The following SFI1 variants were observed in gnomAD, a reference collection of about 807,000 sequenced individuals.
The protein encoded by SFI1 is protein SFI1 homolog.
Under a neutral mutation model 207.5 loss-of-function variants are expected in SFI1, and 195 were observed. The ratio of observed to expected loss-of-function variants is 0.94; its 90% CI spans 0.84 to 1.06. SFI1 has a LOEUF of 1.06. SFI1 is among the 50% of genes least tolerant of loss of function. SFI1 has a pLI of 0.00. For synonymous variants in SFI1, 630 were observed against 598.9 expected, an observed-to-expected ratio of 1.05 and a Z score of -0.76; for missense variants, 1,634 against 1,588.0, an observed-to-expected ratio of 1.03 and a Z score of -0.49.
chr22:31,613,372 G>T lies in SFI1; in HGVS notation c.2584G>T (p.Ala862Ser). The change falls in exon 26 of 33, where the codon GCC (alanine) becomes TCC (serine). Residue 862 changes from alanine to serine, a missense_variant. Physicochemically the swap from Ala to Ser is moderately conservative, Grantham distance 99 (BLOSUM62 1). Transcript: ENST00000400288. ...CCTGGAGGTGTGGGCCACGTGGCTG[G>T]CCTTTGTACTGGAAAGGAGGAGAAA... ...LQAKVWATWLAFVLERRRKKA... is the reference protein window; with the variant it reads ...LQAKVWATWLSFVLERRRKKA... 1 of 1,610,402 alleles carries T rather than the reference G, an allele frequency of 6.2e-7. No individual in the cohort carries two copies.
At chr22:31,544,871 C>T (rs752029481) in intron 4 of SFI1, among the ~76,000 whole-genome samples, 2 of 152,094 alleles carry the variant, frequency 1.3e-5, no homozygotes, top group African/African-American at 2.4e-5. Context: ...CCTGAAAAAG[C>T]CAAATATATC....
At chr22:31,587,338 GTCA>G (rs2065160152) in intron 14 of SFI1, 5 of 391,808 alleles carry the variant, frequency 1.3e-5, no homozygotes, top group South Asian at 9.6e-5. Flanking sequence ...GTTTCACTTT[GTCA>G]CCCAGGCTGG....
At chr22:31,511,364 C>T (rs1042127155) in intron 2 of SFI1, among the ~76,000 whole-genome samples, 7 of 151,960 alleles carry the variant, frequency 4.6e-5, no homozygotes, top group Non-Finnish European at 7.4e-5. Flanking sequence ...CTACATGGTC[C>T]GCAGAGTACT....
At position 31,561,377 on chromosome 22, in the gene SFI1, G is replaced by A; in HGVS notation, c.750G>A (p.Leu250=). 6.2e-7 allele frequency: 1 copy of A among 1,613,730 alleles called. No homozygotes were observed. The highest frequency in any genetic ancestry group is 8.5e-7 in the Non-Finnish European group (1 of 1,179,862). Residue 250 remains leucine, a synonymous_variant, in exon 8 of 33, where the codon CTG becomes CTA. Transcript: ENST00000400288. ...LHASALKHRA[L]SLQVQAWSQW... ...CCTCTGCTTTGAAGCACAGGGCCCT[G>A]AGCCTCCAGGTGCAGGTGAGTCCAG... is the stretch of plus-strand genomic sequence containing the variant.
Position 31,583,942 on chromosome 22 carries a change from C to G in SFI1, c.1316C>G (p.Pro439Arg). The change falls in exon 13 of 33, where the codon CCC becomes CGC. Residue 439 changes from proline (P) to arginine (R), a missense_variant. By Grantham distance (103) the Pro-to-Arg change is moderately radical. Transcript: ENST00000400288. ...IEQKKERELL[P>R]LLHAAWDHYR... is the part of the protein sequence containing the mutation. ...CAGAAAAAGGAAAGAGAGCTGCTCC[C>G]CTTACTGCATGCTGCCTGGGACCAC... is the stretch of plus-strand genomic sequence containing the variant. The G allele has an allele frequency of 6.2e-7, 1 of 1,614,148 alleles. No homozygotes were observed. Among genetic ancestry groups the G allele is most frequent in the Non-Finnish European group, 8.5e-7 (1 of 1,180,006 alleles).
chr22:31,609,593 G>A (rs1286736720), intron 22 of SFI1, among the ~76,000 whole-genome samples: 1 of 152,236 alleles, frequency 6.6e-6, no homozygotes, highest in Non-Finnish European at 1.5e-5. Flanking sequence ...AACTGAATCA[G>A]CTTTGGTTTG....
At chr22:31,604,994 C>G (rs910132221) in intron 20 of SFI1, 49 bp downstream of exon 20, 7 of 1,499,208 alleles carry the variant, frequency 4.7e-6, no homozygotes, top group Non-Finnish European at 6.3e-6. Context: ...ACAAGGAATG[C>G]ACTCCAAACC....
intron 22 of SFI1, among the ~76,000 whole-genome samples, chr22:31,610,657 G>A (rs775632009): frequency 2.6e-5 from 4 of 152,244 alleles, no homozygotes; most frequent in South Asian, 2.1e-4. Context: ...ATGGCCTGGC[G>A]ACCAGCGCTG....
chr22:31,516,331 G>A (rs1389039613), intron 2 of SFI1, among the ~76,000 whole-genome samples: 1 of 151,914 alleles, frequency 6.6e-6, no homozygotes, highest in Non-Finnish European at 1.5e-5. Context: ...TGACCAACAT[G>A]GCAAAACCCC....
intron 22 of SFI1, among the ~76,000 whole-genome samples, chr22:31,610,423 G>A (rs1279094703): frequency 2.6e-5 from 4 of 152,218 alleles, no homozygotes; most frequent in Middle Eastern, 3.2e-3. Context: ...CAGCACTAAT[G>A]TGGGTGCCTC....
intron 1 of SFI1, among the ~76,000 whole-genome samples, chr22:31,507,159 C>T (rs1157239332): frequency 6.6e-6 from 1 of 152,134 alleles, no homozygotes; most frequent in Non-Finnish European, 1.5e-5. Context: ...AAAACAGAAA[C>T]ATAGACTAAT....
chr22:31,542,171 G>A (rs919220490), intron 4 of SFI1, among the ~76,000 whole-genome samples: 1 of 146,650 alleles, frequency 6.8e-6, no homozygotes, highest in African/African-American at 2.5e-5. Flanking sequence ...CCCACCCCCC[G>A]AGAGAGAACC....
chr22:31,500,799 GTTTTTTGTTTTTT>G (rs1297065319), intron 1 of SFI1, among the ~76,000 whole-genome samples: 1 of 46,782 alleles, frequency 2.1e-5, no homozygotes, highest in African/African-American at 1.1e-4. Context: ...TTTTGTTTTT[GTTTTTTGTTTTTT>G]TTTTTGAGTC....
intron 15 of SFI1, among the ~76,000 whole-genome samples, chr22:31,590,231 C>G (rs2065667526): frequency 6.6e-6 from 1 of 151,632 alleles, no homozygotes; most frequent in Non-Finnish European, 1.5e-5. Context: ...TGCAAACACC[C>G]AGAAACACTG....
At chr22:31,591,590 C>A (rs1448129323) in intron 15 of SFI1, among the ~76,000 whole-genome samples, 5 of 129,158 alleles carry the variant, frequency 3.9e-5, no homozygotes, top group African/African-American at 1.6e-4. Flanking sequence ...GCTGGCCGGG[C>A]AGGGGGGCTG....
chr22:31,609,386 A>C (rs571704628), intron 22 of SFI1, among the ~76,000 whole-genome samples: 1 of 152,316 alleles, frequency 6.6e-6, no homozygotes, highest in Non-Finnish European at 1.5e-5. Context: ...GACACGCGGC[A>C]GACCCATGGG....
intron 11 of SFI1, 140 bp downstream of exon 11, chr22:31,578,592 G>GTGGGTGTCCTTCTTTTCATTT (rs2063766023): frequency 1.6e-6 from 1 of 644,348 alleles, no homozygotes; most frequent in African/African-American, 1.8e-5. Context: ...TCCTTTCATT[G>GTGGGTGTCCTTCTTTTCATTT]TGGGTGTCCT....
intron 4 of SFI1, among the ~76,000 whole-genome samples, chr22:31,533,606 A>G (rs757841180): frequency 6.6e-6 from 1 of 152,014 alleles, no homozygotes; most frequent in Non-Finnish European, 1.5e-5. Flanking sequence ...AGCAGCGACC[A>G]AAAGCAAGCA....
At chr22:31,543,021 G>T (rs1048654875) in intron 4 of SFI1, among the ~76,000 whole-genome samples, 1 of 149,752 alleles carries the variant, frequency 6.7e-6, no homozygotes, top group African/African-American at 2.5e-5. Flanking sequence ...TCCCAGGCTG[G>T]AGTGCAGTGG....
Sources: allele counts gnomAD v4.1 joint callset (sites outside exome capture counted in the v4.1 genomes callset), GRCh38; gene constraint gnomAD v4.1.1; transcripts MANE v1.5; gene names NCBI Gene and HGNC (gene_info 2026-07-23, HGNC 2026-07-21).